Variants in KLHL1 observed in about 807,000 individuals in gnomAD.
KLHL1 encodes kelch-like protein 1.
Under a neutral mutation model 77.7 loss-of-function variants are expected in KLHL1, and 47 were observed. That is an observed-to-expected ratio of 0.60 (90% confidence interval 0.48 to 0.77). KLHL1 has a LOEUF of 0.77. KLHL1 is among the 30% of genes least tolerant of loss of function. The pLI is 0.00. For missense variants in KLHL1, 925 were observed against 910.8 expected, an observed-to-expected ratio of 1.02 and a Z score of -0.20; for synonymous variants, 360 against 325.2, an observed-to-expected ratio of 1.11 and a Z score of -1.15.
chr13:69,788,180 T>C (rs1294300718), intron 7 of KLHL1, among the ~76,000 whole-genome samples: 5 of 152,216 alleles, frequency 3.3e-5, no homozygotes, highest in African/African-American at 9.7e-5. Flanking sequence ...CAAAGGATTA[T>C]AAATCATGCT....
intron 1 of KLHL1, among the ~76,000 whole-genome samples, chr13:70,041,099 T>C (rs537685444): frequency 1.6e-3 from 242 of 152,314 alleles, no homozygotes; most frequent in Non-Finnish European, 1.0e-3. Context: ...TGGTTCTTCA[T>C]TGTCTCTTCT....
chr13:70,094,397 A>G (rs930838813), intron 1 of KLHL1, among the ~76,000 whole-genome samples: 5 of 150,312 alleles, frequency 3.3e-5, no homozygotes, highest in Non-Finnish European at 7.4e-5. Flanking sequence ...TCATCTTTAT[A>G]TATATATATA....
chr13:69,716,595 G>A (rs1876130236), intron 9 of KLHL1, among the ~76,000 whole-genome samples: 1 of 152,086 alleles, frequency 6.6e-6, no homozygotes, highest in Non-Finnish European at 1.5e-5. Flanking sequence ...CTATTATCTT[G>A]ACACCCTTCT....
In KLHL1 at chr13:69,921,071, C is replaced by A. The variant is rs1157913199; in HGVS notation, c.1014+18969G>T. On this transcript the variant is annotated intron_variant, in intron 4 of 10. Transcript: ENST00000377844. ...GTAAATGTTGTTAATGACCAAATAA[C>A]AAGGGACAACTATTTTTTCCAGAAT... Among the ~76,000 whole-genome samples the A allele has an allele frequency of 4.6e-5, 7 of 152,242 alleles. No individual in the cohort carries two copies. In the East Asian group the frequency reaches 1.4e-3, roughly 29 times the overall value.
At chr13:70,007,333 C>T in intron 1 of KLHL1, among the ~76,000 whole-genome samples, 1 of 151,506 alleles carries the variant, frequency 6.6e-6, no homozygotes, top group East Asian at 1.9e-4. Flanking sequence ...ATACAATTTC[C>T]CAGCAATTGC....
At chr13:69,944,035 C>T (rs1364853222) in intron 3 of KLHL1, among the ~76,000 whole-genome samples, 1 of 152,162 alleles carries the variant, frequency 6.6e-6, no homozygotes, top group African/African-American at 2.4e-5. Context: ...TGAACTACTA[C>T]CATCCTCTGA....
At chr13:69,795,324 C>G (rs1285981562) in intron 7 of KLHL1, among the ~76,000 whole-genome samples, 2 of 152,046 alleles carry the variant, frequency 1.3e-5, no homozygotes, top group Non-Finnish European at 2.9e-5. Context: ...GACATGAATG[C>G]AAAATACAGT....
chr13:69,864,749 G>A (rs972193483), intron 5 of KLHL1, among the ~76,000 whole-genome samples: 3 of 152,064 alleles, frequency 2.0e-5, no homozygotes, highest in African/African-American at 7.2e-5. Flanking sequence ...CCCAATGTAT[G>A]CCAAATATTG....
rs184571297 is a variant in KLHL1 at position 69,897,990 on chromosome 13, A to G, written c.1015-15495T>C. On this transcript the variant is annotated intron_variant, in intron 4 of 10. Transcript: ENST00000377844. Reference sequence around the variant, plus strand: ...ACTGACAAATTCCTCACCATGGAAAAAGTAGTCATGGTCAAATCAGCAAAG... The same window carrying G: ...ACTGACAAATTCCTCACCATGGAAAGAGTAGTCATGGTCAAATCAGCAAAG... 2.3e-3 allele frequency among the ~76,000 whole-genome samples: 355 copies of G among 152,320 alleles called. 3 individuals carry two copies. The highest frequency in any genetic ancestry group is 1.3e-3 in the Non-Finnish European group (90 of 68,032).
At chr13:70,044,228 G>A (rs537237764) in intron 1 of KLHL1, among the ~76,000 whole-genome samples, 4 of 152,096 alleles carry the variant, frequency 2.6e-5, no homozygotes, top group African/African-American at 9.6e-5. Context: ...TTGCTCCCAC[G>A]TACATGCACT....
chr13:69,890,809 A>AT (rs1209928722), intron 4 of KLHL1, among the ~76,000 whole-genome samples: 2 of 151,952 alleles, frequency 1.3e-5, no homozygotes, highest in African/African-American at 4.8e-5. Context: ...ATATACCTGC[A>AT]TTTTTCTTAT....
intron 6 of KLHL1, among the ~76,000 whole-genome samples, chr13:69,827,634 G>A (rs1005222061): frequency 5.3e-5 from 8 of 151,240 alleles, no homozygotes; most frequent in African/African-American, 1.9e-4. Flanking sequence ...GGAGGCTGAG[G>A]TAGGGGAATC....
intron 1 of KLHL1, among the ~76,000 whole-genome samples, chr13:70,009,929 G>A (rs1186758093): frequency 6.6e-6 from 1 of 151,794 alleles, no homozygotes; most frequent in Non-Finnish European, 1.5e-5. Flanking sequence ...GGATGAAAGA[G>A]AGAAGATACC....
chr13:69,883,191 C>T (rs950026628), intron 4 of KLHL1, among the ~76,000 whole-genome samples: 3 of 152,124 alleles, frequency 2.0e-5, no homozygotes, highest in Non-Finnish European at 4.4e-5. Flanking sequence ...CATAAATGTG[C>T]TCATGGTTTT....
chr13:69,941,036 T>C (rs891733813), intron 3 of KLHL1, among the ~76,000 whole-genome samples: 2 of 152,002 alleles, frequency 1.3e-5, no homozygotes, highest in African/African-American at 2.4e-5. Context: ...GTATAACTTG[T>C]ATAATTGTAC....
At chr13:69,964,184 C>T (rs1017141514) in intron 2 of KLHL1, among the ~76,000 whole-genome samples, 24 of 152,236 alleles carry the variant, frequency 1.6e-4, no homozygotes, top group Non-Finnish European at 3.2e-4. Flanking sequence ...GCTAGGATCA[C>T]AAGTATATGC....
chr13:70,014,529 G>A (rs900570408), intron 1 of KLHL1, among the ~76,000 whole-genome samples: 20 of 149,664 alleles, frequency 1.3e-4, no homozygotes, highest in Admixed American at 6.1e-4. Flanking sequence ...AATCATCACT[G>A]AGTCTGTCAA....
chr13:69,925,682 T>A (rs1593955384), intron 4 of KLHL1, among the ~76,000 whole-genome samples: 1 of 151,706 alleles, frequency 6.6e-6, no homozygotes, highest in East Asian at 2.0e-4. Context: ...AAATAAACTC[T>A]AACATTTGAA....
intron 3 of KLHL1, among the ~76,000 whole-genome samples, chr13:69,947,192 G>A (rs950352798): frequency 3.3e-5 from 5 of 151,810 alleles, no homozygotes; most frequent in African/African-American, 9.7e-5. Context: ...AGCTCTTTCA[G>A]TGTTTCATTT....
Sources: allele counts gnomAD v4.1 joint callset (sites outside exome capture counted in the v4.1 genomes callset), GRCh38; gene constraint gnomAD v4.1.1; transcripts MANE v1.5; gene names NCBI Gene and HGNC (gene_info 2026-07-23, HGNC 2026-07-21).